Variants in SIRT1 observed in about 807,000 individuals in gnomAD.
SIRT1 encodes the protein sirtuin 1.
Under a neutral mutation model 67.9 loss-of-function variants are expected in SIRT1, and 24 were observed. That is an observed-to-expected ratio of 0.35 (90% CI 0.26 to 0.50). The LOEUF (loss-of-function observed/expected upper bound fraction) is 0.50, where lower values mean the gene tolerates loss of function less well. Ranked by LOEUF, SIRT1 falls within the 20% of genes least tolerant of loss-of-function variation. SIRT1 has a pLI of 0.98. For synonymous variants in SIRT1, 378 were observed against 350.7 expected (o/e 1.08, Z -0.87); for missense variants, 873 against 937.2 (o/e 0.93, Z 0.89).
chr10:67,900,121 AAGC>A, intron 4 of SIRT1, among the ~76,000 whole-genome samples: 1 of 152,192 alleles, frequency 6.6e-6, no homozygotes, highest in East Asian at 1.9e-4. Context: ...TATAAAAATA[AAGC>A]AGCACCCAGC....
intron 4 of SIRT1, among the ~76,000 whole-genome samples, chr10:67,896,718 C>T (rs895629416): frequency 5.1e-5 from 7 of 138,280 alleles, no homozygotes; most frequent in Admixed American, 1.6e-4. Flanking sequence ...GCTGAGATCG[C>T]GCTGCTGTAC....
chr10:67,885,234 T>C, intron 1 of SIRT1, 83 bp downstream of exon 1: 1 of 1,260,140 alleles, frequency 7.9e-7, no homozygotes, highest in Non-Finnish European at 1.0e-6. Flanking sequence ...TGAGGGCGGC[T>C]GGGGGCTCGG....
chr10:67,884,730 C>G lies in SIRT1; in HGVS notation c.9C>G (p.Asp3Glu), dbSNP rs35671182. 4 of 1,228,764 alleles carry G rather than the reference C, an allele frequency of 3.3e-6. No homozygotes were observed. Among genetic ancestry groups the G allele is most frequent in the South Asian group, 4.1e-5 (1 of 24,216 alleles). 76.1% of individuals were successfully genotyped at this position (1,228,764 alleles called of 1,614,324 possible). The stretch of plus-strand genomic sequence containing the variant: ...AGAGAGGCAGTTGGAAGATGGCGGA[C>G]GAGGCGGCCCTCGCCCTTCAGCCCG... MA[D>E]EAALALQPGG... Residue 3 changes from aspartate to glutamate, a missense_variant, in exon 1 of 9, where the codon GAC becomes GAG. Coordinates refer to ENST00000212015, the MANE Select transcript of SIRT1 (RefSeq NM_012238.5).
At chr10:67,902,261 T>A (rs1309203397) in intron 4 of SIRT1, among the ~76,000 whole-genome samples, 2 of 152,220 alleles carry the variant, frequency 1.3e-5, no homozygotes, top group South Asian at 2.1e-4. Context: ...AGTGCTGGGA[T>A]TACAGGCGTG....
rs374652041 is a variant in SIRT1 at position 67,885,358 on chromosome 10, C to T, written c.430+207C>T. The T allele has an allele frequency of 1.6e-5, 20 of 1,233,688 alleles. No homozygotes were observed. The Admixed American group carries it at 4.2e-4, about 26-fold the overall frequency. The allele number at this position is 1,233,688 out of a possible 1,614,324, so 76.4% of individuals were successfully genotyped here. On this transcript the variant is annotated intron_variant, in intron 1 of 8. Transcript: ENST00000212015. ...AGTGGATTCGCTCTTTTCCTCCGTC[C>T]GTGGCCCGCCTGGGCGGCCTTGTTC...
chr10:67,906,875 A>G lies in SIRT1; in HGVS notation c.1028A>G (p.Tyr343Cys), dbSNP rs1292350491. Residue 343 changes from tyrosine (Y) to cysteine (C), a missense_variant, in exon 5 of 9, where the codon TAT becomes TGT. Tyr to Cys is a radical substitution (Grantham distance 194, BLOSUM62 -2). This residue lies in a region of SIRT1 where 251 missense variants were observed against 358.8 expected (regional missense o/e 0.70). Coordinates refer to ENST00000212015, the MANE Select transcript of SIRT1 (RefSeq NM_012238.5). ...SDKEGKLLRNYTQNIDTLEQV... is the reference protein window; with the variant it reads ...SDKEGKLLRNCTQNIDTLEQV... The stretch of plus-strand genomic sequence containing the variant: ...AAGGAAGGAAAACTACTTCGCAACT[A>G]TACCCAGAACATAGACACGCTGGAA... 1 of 1,613,348 alleles carries G rather than the reference A, an allele frequency of 6.2e-7. No homozygotes were observed. Among genetic ancestry groups the G allele is most frequent in the East Asian group, 2.2e-5 (1 of 44,808 alleles).
At chr10:67,911,658 T>C (rs1453852368) in intron 7 of SIRT1, among the ~76,000 whole-genome samples, 1 of 116,722 alleles carries the variant, frequency 8.6e-6, no homozygotes, top group Non-Finnish European at 1.7e-5. Context: ...CTTCCATTCA[T>C]CCTTCCTTCT....
chr10:67,908,633 G>T (rs983634779), intron 6 of SIRT1, among the ~76,000 whole-genome samples: 2 of 152,240 alleles, frequency 1.3e-5, no homozygotes, highest in African/African-American at 2.4e-5. Context: ...GTCGGGTGCA[G>T]TGGCTCATGC....
intron 4 of SIRT1, among the ~76,000 whole-genome samples, chr10:67,892,399 C>T (rs1189188816): frequency 6.6e-6 from 1 of 151,834 alleles, no homozygotes; most frequent in Non-Finnish European, 1.5e-5. Context: ...AATGAGACTC[C>T]ATCTCTACAA....
At chr10:67,892,803 G>C (rs1487009358) in intron 4 of SIRT1, among the ~76,000 whole-genome samples, 2 of 152,160 alleles carry the variant, frequency 1.3e-5, no homozygotes, top group East Asian at 1.9e-4. Flanking sequence ...GGTTTCACCA[G>C]GTTGGCCAGG....
Position 67,891,389 on chromosome 10 carries a change from A to G in SIRT1, c.790-13A>G, listed in dbSNP as rs2131852509. 2 of 1,612,770 alleles carry G rather than the reference A, an allele frequency of 1.2e-6. No individual in the cohort carries two copies. Among genetic ancestry groups the G allele is most frequent in the South Asian group, 1.1e-5 (1 of 90,922 alleles). ...AAGATTTAATTTTACAAATTATGCC[A>G]TGCACATTTTAGGTGTCTGTTTCAT... On this transcript the variant is annotated splice_polypyrimidine_tract_variant and intron_variant, in intron 3 of 8. Coordinates refer to ENST00000212015, the MANE Select transcript of SIRT1 (RefSeq NM_012238.5).
chr10:67,901,278 G>A (rs1335708607), intron 4 of SIRT1, among the ~76,000 whole-genome samples: 1 of 151,956 alleles, frequency 6.6e-6, no homozygotes, highest in Non-Finnish European at 1.5e-5. Context: ...GACCACAGAT[G>A]TGCACCACCA....
At chr10:67,906,011 T>C (rs1043924550) in intron 4 of SIRT1, 10 of 569,168 alleles carry the variant, frequency 1.8e-5, no homozygotes, top group Non-Finnish European at 2.6e-5. Flanking sequence ...ACTACTACTT[T>C]GAAGGAAAAA....
intron 8 of SIRT1, among the ~76,000 whole-genome samples, chr10:67,915,643 CATT>C (rs2029887274): frequency 6.6e-6 from 1 of 151,946 alleles, no homozygotes; most frequent in African/African-American, 2.4e-5. Flanking sequence ...GTGGTGACTA[CATT>C]ATTGACAAAA....
intron 5 of SIRT1, among the ~76,000 whole-genome samples, chr10:67,907,641 G>T (rs142994367): frequency 6.6e-6 from 1 of 152,094 alleles, no homozygotes; most frequent in Non-Finnish European, 1.5e-5. Flanking sequence ...TTTAAAACAA[G>T]TATCAACAGG....
At chr10:67,888,219 G>C (rs1842516871) in intron 2 of SIRT1, among the ~76,000 whole-genome samples, 1 of 152,144 alleles carries the variant, frequency 6.6e-6, no homozygotes, top group South Asian at 2.1e-4. Context: ...CATCTTGAAA[G>C]TGGATCTTTT....
chr10:67,887,773 T>C (rs1429028669), intron 2 of SIRT1, among the ~76,000 whole-genome samples: 1 of 152,140 alleles, frequency 6.6e-6, no homozygotes, highest in East Asian at 1.9e-4. Flanking sequence ...ACGGGGTTTC[T>C]CCATGTTGGT....
At chr10:67,894,926 G>A (rs901164104) in intron 4 of SIRT1, among the ~76,000 whole-genome samples, 6 of 152,064 alleles carry the variant, frequency 3.9e-5, no homozygotes, top group Non-Finnish European at 8.8e-5. Flanking sequence ...GTCTCGTCGT[G>A]ACCTCGTGAT....
intron 8 of SIRT1, among the ~76,000 whole-genome samples, chr10:67,915,814 A>G (rs1564895826): frequency 6.6e-6 from 1 of 152,206 alleles, no homozygotes; most frequent in Non-Finnish European, 1.5e-5. Context: ...TAATTGGTGA[A>G]ATAACCTTTA....
Sources: gnomAD v4.1 joint callset for allele counts (sites outside exome capture counted in the v4.1 genomes callset) on GRCh38, gnomAD v4.1.1 for gene constraint, gnomAD v4.1.1 regional missense constraint, MANE v1.5 for transcripts, NCBI Gene and HGNC (gene_info 2026-07-23, HGNC 2026-07-21) for gene names.